NFASC: variants seen among roughly 807,000 people sequenced by gnomAD.
NFASC encodes neurofascin.
In NFASC, 43 loss-of-function variants were observed where a neutral mutation model predicts 147.5. That is an observed-to-expected ratio of 0.29 (90% CI 0.23 to 0.38). The LOEUF (loss-of-function observed/expected upper bound fraction) is 0.38. NFASC is among the 10% of genes least tolerant of loss of function. The pLI, the probability that NFASC is intolerant of heterozygous loss-of-function variation, is 1.00. For synonymous variants in NFASC, 622 were observed against 665.5 expected (o/e 0.93, Z 1.01); for missense variants, 1,320 against 1,689.0 (o/e 0.78, Z 3.83).
intron 1 of NFASC, among the ~76,000 whole-genome samples, chr1:204,875,170 C>T (rs976524087): frequency 6.6e-6 from 1 of 152,112 alleles, no homozygotes; most frequent in Non-Finnish European, 1.5e-5. Context: ...TTGATGTAGA[C>T]ACATCTGCAT....
intron 1 of NFASC, among the ~76,000 whole-genome samples, chr1:204,834,282 CT>C (rs1333306480): frequency 1.3e-5 from 2 of 152,002 alleles, no homozygotes; most frequent in African/African-American, 4.8e-5. Flanking sequence ...AAATGGATTT[CT>C]TTCTCTGTAA....
chr1:204,950,425 G>A lies in NFASC; in HGVS notation c.92-132G>A, dbSNP rs1422479838. The A allele has an allele frequency of 4.9e-6, 4 of 811,192 alleles. No homozygotes were observed. The African/African-American group carries it at 5.1e-5, about 10-fold the overall frequency. The allele number at this position is 811,192 out of a possible 1,614,324, so 50.2% of individuals were successfully genotyped here. On this transcript the variant is annotated intron_variant, in intron 3 of 29. Coordinates refer to ENST00000339876, the MANE Select transcript of NFASC (RefSeq NM_001005388.3). Reference sequence around the variant, plus strand: ...TTTGCAGCCAGGAGGAGAGAGCCCTGTGCTCAGCGCCCTCCCCAGGCACAC... The same window carrying A: ...TTTGCAGCCAGGAGGAGAGAGCCCTATGCTCAGCGCCCTCCCCAGGCACAC...
Position 204,979,247 on chromosome 1 carries a change from T to A in NFASC, c.1979-115T>A, listed in dbSNP as rs1574067245. On this transcript the variant is annotated intron_variant, in intron 18 of 29. Transcript: ENST00000339876. This position sits in a 1 kb window ranked among gnomAD's most constrained non-coding sequence, Gnocchi z 6.0. ...TGTGCCTTGGGAAGAATTCTCCTTG[T>A]GCCTTTGTGTGAGAGAGATTATAAA... is the stretch of plus-strand genomic sequence containing the variant. The A allele has an allele frequency of 7.5e-5, 77 of 1,028,376 alleles. 1 individual carries two copies. In the South Asian group the frequency reaches 1.1e-3, roughly 14 times the overall value. The allele number at this position is 1,028,376 out of a possible 1,614,324, so 63.7% of individuals were successfully genotyped here.
At chr1:204,856,640 G>T (rs114034283) in intron 1 of NFASC, among the ~76,000 whole-genome samples, 285 of 152,142 alleles carry the variant, frequency 1.9e-3, no homozygotes, top group African/African-American at 6.4e-3. Context: ...CATCCCAGAA[G>T]ATCACCCCAT....
intron 1 of NFASC, among the ~76,000 whole-genome samples, chr1:204,830,338 G>A (rs925718392): frequency 5.3e-5 from 8 of 152,172 alleles, no homozygotes; most frequent in Non-Finnish European, 1.0e-4. Context: ...AAGAGTGGAA[G>A]CCTCTGGGGA....
At chr1:204,841,962 A>C (rs1343168809) in intron 1 of NFASC, among the ~76,000 whole-genome samples, 1 of 152,200 alleles carries the variant, frequency 6.6e-6, no homozygotes, top group South Asian at 2.1e-4. Flanking sequence ...AAAAGGAAAC[A>C]GGAAGGGTTG....
chr1:204,976,575 C>T, intron 15 of NFASC, 96 bp from the exon 16 acceptor site: 1 of 899,094 alleles, frequency 1.1e-6, no homozygotes, highest in South Asian at 1.6e-5. Flanking sequence ...TTCCCTTGCC[C>T]TCCTGACTCG....
rs762133555 is a variant in NFASC at position 204,979,569 on chromosome 1, C to T, written c.2176+10C>T. 8.1e-6 allele frequency: 13 copies of T among 1,612,976 alleles called. No individual in the cohort carries two copies. Among genetic ancestry groups the T allele is most frequent in the South Asian group, 2.2e-5 (2 of 91,058 alleles). The stretch of plus-strand genomic sequence containing the variant: ...CGAACCAGTGGAGCACGTGAGTACC[C>T]GAGGGCTGCCAGAGAAGGCTCCGGA... On this transcript the variant is annotated intron_variant, in intron 19 of 29. Coordinates refer to ENST00000339876, the MANE Select transcript of NFASC (RefSeq NM_001005388.3). The surrounding 1 kb of genome is among the most constrained non-coding windows in gnomAD (Gnocchi z 6.0).
chr1:204,840,669 C>T (rs1213928130), intron 1 of NFASC, among the ~76,000 whole-genome samples: 11 of 152,208 alleles, frequency 7.2e-5, no homozygotes, highest in Admixed American at 7.2e-4. Context: ...GTAGATCCAC[C>T]ATCACCCATG....
intron 8 of NFASC, among the ~76,000 whole-genome samples, chr1:204,966,813 C>T (rs1437603440): frequency 2.0e-5 from 3 of 152,270 alleles, no homozygotes. Context: ...TCATCAGCCT[C>T]GTTACCCTCT....
chr1:204,907,151 G>C (rs2086183374), intron 1 of NFASC, among the ~76,000 whole-genome samples: 1 of 152,152 alleles, frequency 6.6e-6, no homozygotes, highest in Non-Finnish European at 1.5e-5. Flanking sequence ...TTGTTTGTTT[G>C]TTGTTTAGCC....
chr1:204,982,248 T>C (rs911411004), intron 21 of NFASC, among the ~76,000 whole-genome samples: 1 of 152,152 alleles, frequency 6.6e-6, no homozygotes, highest in African/African-American at 2.4e-5. Flanking sequence ...AGTCCAGAAT[T>C]CTCATTTCAC....
intron 1 of NFASC, among the ~76,000 whole-genome samples, chr1:204,877,559 C>T (rs1421738594): frequency 6.6e-6 from 1 of 152,094 alleles, no homozygotes; most frequent in Non-Finnish European, 1.5e-5. Context: ...GTATGTCTGA[C>T]CTCCCATCCC....
chr1:205,003,201 C>G lies in NFASC; in HGVS notation c.3289+453C>G, dbSNP rs74679095. On this transcript the variant is annotated intron_variant, in intron 27 of 29. Coordinates refer to ENST00000339876, the MANE Select transcript of NFASC (RefSeq NM_001005388.3). ...TAGAAATCGCTCCAGGAGATCAGTG[C>G]ATTTGTTACTCCCTTGCCACCATCA... Among the ~76,000 whole-genome samples the G allele has an allele frequency of 1.1e-4, 16 of 152,284 alleles. 1 individual carries two copies. In the East Asian group the frequency reaches 3.1e-3, roughly 29 times the overall value.
intron 1 of NFASC, among the ~76,000 whole-genome samples, chr1:204,892,449 G>T (rs1004726515): frequency 6.6e-6 from 1 of 152,206 alleles, no homozygotes; most frequent in African/African-American, 2.4e-5. Flanking sequence ...CACTCATGTA[G>T]CGACAGTCAT....
In NFASC at chr1:205,011,207, A is replaced by ACCCC. The variant is rs10628542; in HGVS notation, c.3421+1524_3421+1527dup. Among the ~76,000 whole-genome samples the ACCCC allele has an allele frequency of 9.3e-4, 133 of 143,154 alleles. 1 individual carries two copies. Among genetic ancestry groups the ACCCC allele is most frequent in the Non-Finnish European group, 1.4e-3 (90 of 66,172 alleles). 93.9% of individuals were successfully genotyped at this position (143,154 alleles called of 152,430 possible). A position where few individuals can be genotyped will look rare whatever the true frequency, so the allele number is the denominator to read the frequency against. ...CTCTTAGAACAGGTCCTCCCCCAGG[A>ACCCC]CCCCCCCCAAAACTCAACACAAAGG... is the stretch of plus-strand genomic sequence containing the variant. On this transcript the variant is annotated intron_variant, in intron 28 of 29. Transcript: ENST00000339876.
rs577489469 is a variant in NFASC at position 205,007,668 on chromosome 1, C to T, written c.3290-1889C>T. Among the ~76,000 whole-genome samples the T allele has an allele frequency of 2.6e-5, 4 of 152,092 alleles. No homozygotes were observed. In the East Asian group the frequency reaches 7.7e-4, roughly 29 times the overall value. On this transcript the variant is annotated intron_variant, in intron 27 of 29. Coordinates refer to ENST00000339876, the MANE Select transcript of NFASC (RefSeq NM_001005388.3). ...GACCTCTCTAGGAGGTGCCAGTTGC[C>T]AAGGCAGCCATTAGAAGAAAAAGCA...
chr1:204,940,762 G>A (rs1558177497), intron 2 of NFASC, among the ~76,000 whole-genome samples: 2 of 152,186 alleles, frequency 1.3e-5, no homozygotes, highest in Non-Finnish European at 2.9e-5. Flanking sequence ...CCATGTTGGA[G>A]CATGTCAGTA....
chr1:204,849,732 C>T (rs1360292075), intron 1 of NFASC, among the ~76,000 whole-genome samples: 5 of 152,114 alleles, frequency 3.3e-5, no homozygotes, highest in Admixed American at 2.0e-4. Context: ...TGGAAGTGCC[C>T]GCAGTTGGGT....
Sources: allele counts gnomAD v4.1 joint callset (sites outside exome capture counted in the v4.1 genomes callset), GRCh38; gene constraint gnomAD v4.1.1; non-coding constraint Gnocchi (gnomAD v3.1); transcripts MANE v1.5; gene names NCBI Gene and HGNC (gene_info 2026-07-23, HGNC 2026-07-21).